HECTD4: variants seen among roughly 807,000 people sequenced by gnomAD.
HECTD4 encodes the protein HECT domain E3 ubiquitin protein ligase 4, also known as probable E3 ubiquitin-protein ligase HECTD4.
Under a neutral mutation model 471.5 loss-of-function variants are expected in HECTD4, and 114 were observed. The ratio of observed to expected loss-of-function variants is 0.24; its 90% CI spans 0.21 to 0.28. HECTD4 has a LOEUF of 0.28. Among genes scored for constraint, HECTD4 ranks in the 10% least tolerant of loss-of-function variants. The probability of loss-of-function intolerance (pLI) is 1.00; values close to 1 mark genes in which losing one functional copy is unlikely to be tolerated. For missense variants in HECTD4, 3,866 were observed against 5,651.5 expected (o/e 0.68, Z 10.13); for synonymous variants, 2,012 against 2,256.0 (o/e 0.89, Z 3.07).
chr12:112,310,822 T>C, intron 4 of HECTD4, among the ~76,000 whole-genome samples: 1 of 152,248 alleles, frequency 6.6e-6, no homozygotes, highest in East Asian at 1.9e-4. Context: ...CTTCTGGGTA[T>C]GGCTCTGTCG....
At chr12:112,346,073 C>T (rs971097309) in intron 1 of HECTD4, among the ~76,000 whole-genome samples, 1 of 152,208 alleles carries the variant, frequency 6.6e-6, no homozygotes, top group South Asian at 2.1e-4. Flanking sequence ...TGGAAAACCA[C>T]AGCATGAGGT....
At chr12:112,297,147 A>T (rs1323673102) in intron 7 of HECTD4, among the ~76,000 whole-genome samples, 1 of 140,320 alleles carries the variant, frequency 7.1e-6, no homozygotes, top group Non-Finnish European at 1.6e-5. Flanking sequence ...GGTACAGTGG[A>T]TGTAGATGCA....
Position 112,190,844 on chromosome 12 carries a change from G to A in HECTD4, c.9414C>T (p.Ser3138=), listed in dbSNP as rs1353483550. ...SWKSEDSEGK[S]EDEPDTIPTS... is the part of the protein sequence containing the mutation. ...TCGGAATGGTGTCAGGCTCATCTTC[G>A]GACTTCCCTTCACTGTCCTCTGATT... The change falls in exon 60 of 76, where the codon TCC becomes TCT. Residue 3138 remains serine, a synonymous_variant. Coordinates refer to ENST00000682272, the MANE Select transcript of HECTD4 (RefSeq NM_001388303.1). The A allele has an allele frequency of 6.9e-6, 11 of 1,586,168 alleles. No homozygotes were observed. Among genetic ancestry groups the A allele is most frequent in the African/African-American group, 1.3e-5 (1 of 74,192 alleles).
intron 62 of HECTD4, among the ~76,000 whole-genome samples, chr12:112,181,283 CT>C (rs2031659966): frequency 6.6e-6 from 1 of 152,090 alleles, no homozygotes. Context: ...CTAATCCTAT[CT>C]TTATTTAAAA....
intron 1 of HECTD4, among the ~76,000 whole-genome samples, chr12:112,335,934 A>C (rs2035949650): frequency 6.6e-6 from 1 of 152,216 alleles, no homozygotes; most frequent in African/African-American, 2.4e-5. Context: ...TAGCAGCTGC[A>C]AACATCACAA....
At chr12:112,304,636 G>A (rs2035236447) in intron 7 of HECTD4, among the ~76,000 whole-genome samples, 1 of 149,124 alleles carries the variant, frequency 6.7e-6, no homozygotes, top group South Asian at 2.1e-4. Context: ...AGACCTAAAT[G>A]AAAATTCCTT....
In HECTD4 at chr12:112,219,082, C is replaced by T. The variant is rs562367324; in HGVS notation, c.7074+304G>A. On this transcript the variant is annotated intron_variant, in intron 45 of 75. Transcript: ENST00000682272. ...CTTATGTTCTCTGTTATGAAACTGA[C>T]TGTATCTCTAAACTTAAAAAAAAAA... is the stretch of plus-strand genomic sequence containing the variant. Among the ~76,000 whole-genome samples the T allele has an allele frequency of 2.0e-5, 3 of 151,912 alleles. No homozygotes were observed. In the South Asian group the frequency reaches 6.2e-4, roughly 32 times the overall value.
chr12:112,227,288 C>T (rs376208913), intron 43 of HECTD4, among the ~76,000 whole-genome samples: 7 of 152,164 alleles, frequency 4.6e-5, no homozygotes, highest in African/African-American at 1.7e-4. Flanking sequence ...GGCGAGACCC[C>T]ATCTCTACTA....
chr12:112,168,514 G>A (rs1022815770), intron 70 of HECTD4, among the ~76,000 whole-genome samples: 2 of 152,158 alleles, frequency 1.3e-5, no homozygotes, highest in African/African-American at 2.4e-5. Context: ...GTTCCCTATC[G>A]GTACCCTGAG....
In HECTD4 at chr12:112,279,258, C is replaced by G; in HGVS notation, c.1657G>C (p.Gly553Arg). Reference protein sequence around the residue: ...SGSSATRSLFGGTSGLSSLKI... With the variant: ...SGSSATRSLFRGTSGLSSLKI... ...AAAGATGACAAACCACTTGTTCCAC[C>G]AAAAAGAGATCGGGTGGCAGAGCTG... Residue 553 changes from glycine (G) to arginine (R), a missense_variant, in exon 9 of 76, where the codon GGT becomes CGT. Around this residue, in one of 16 missense-constraint regions of HECTD4, gnomAD observed 525 missense variants for 672.6 expected, o/e 0.78. Coordinates refer to ENST00000682272, the MANE Select transcript of HECTD4 (RefSeq NM_001388303.1). 6.2e-7 allele frequency: 1 copy of G among 1,610,574 alleles called. No homozygotes were observed. The highest frequency in any genetic ancestry group is 8.5e-7 in the Non-Finnish European group (1 of 1,179,194).
At position 112,326,808 on chromosome 12, in the gene HECTD4, A is replaced by G. The variant is rs1232680531; in HGVS notation, c.178-7066T>C. ...TACTTTGCTGTTCAGAATAGCAGAG[A>G]GATAATTATTGAAAAGGGTCAAGTA... On this transcript the variant is annotated intron_variant, in intron 1 of 75. Coordinates refer to ENST00000682272, the MANE Select transcript of HECTD4 (RefSeq NM_001388303.1). Among the ~76,000 whole-genome samples, 5 of 152,296 alleles carry G rather than the reference A, an allele frequency of 3.3e-5. No homozygotes were observed. In the South Asian group the frequency reaches 6.2e-4, roughly 19 times the overall value.
At chr12:112,296,177 G>A (rs943898254) in intron 7 of HECTD4, among the ~76,000 whole-genome samples, 10 of 151,544 alleles carry the variant, frequency 6.6e-5, no homozygotes, top group African/African-American at 2.4e-4. Context: ...GGGTGTAGGT[G>A]CAGTGGATGT....
chr12:112,275,333 G>T (rs2034503221), intron 9 of HECTD4, among the ~76,000 whole-genome samples: 1 of 152,128 alleles, frequency 6.6e-6, no homozygotes, highest in South Asian at 2.1e-4. Flanking sequence ...GTTCAATAAA[G>T]CTTGGTGTAT....
intron 1 of HECTD4, among the ~76,000 whole-genome samples, chr12:112,352,826 C>G (rs970911071): frequency 6.6e-6 from 1 of 152,058 alleles, no homozygotes; most frequent in Non-Finnish European, 1.5e-5. Flanking sequence ...GGGCTGGTCT[C>G]GAACTCCAGG....
At chr12:112,242,325 T>C (rs559944319) in intron 32 of HECTD4, among the ~76,000 whole-genome samples, 2 of 152,250 alleles carry the variant, frequency 1.3e-5, no homozygotes, top group Non-Finnish European at 2.9e-5. Flanking sequence ...TTAAAAATCT[T>C]AAAGCAGCCA....
chr12:112,169,885 C>T, intron 69 of HECTD4: 3 of 606,178 alleles, frequency 4.9e-6, no homozygotes, highest in Non-Finnish European at 2.9e-6. Flanking sequence ...CAGTGCTTGG[C>T]CCCTTCTCAT....
intron 52 of HECTD4, 44 bp downstream of exon 52, chr12:112,207,830 C>G (rs770599219): frequency 2.5e-6 from 4 of 1,596,738 alleles, no homozygotes; most frequent in East Asian, 4.5e-5. Context: ...CTCCTCACTT[C>G]AAGTCATGAA....
rs936213862 is a variant in HECTD4, at chr12:112,379,818, GT to G, written c.177+2133del. ...TATTTCTCCTGATACCATGGAGCCT[GT>G]ATAACATGGAAAGAATGAAACAAGT... On this transcript the variant is annotated intron_variant, in intron 1 of 75. Coordinates refer to ENST00000682272, the MANE Select transcript of HECTD4 (RefSeq NM_001388303.1). 1.9e-3 allele frequency among the ~76,000 whole-genome samples: 293 copies of G among 151,634 alleles called. 1 individual carries two copies. The highest frequency in any genetic ancestry group is 6.8e-3 in the African/African-American group (280 of 41,372).
At chr12:112,227,973 T>G (rs892380553) in intron 43 of HECTD4, 116 bp downstream of exon 43, 4 of 882,420 alleles carry the variant, frequency 4.5e-6, no homozygotes, top group East Asian at 2.7e-5. Flanking sequence ...CTCAGTTTAG[T>G]GTGAGCTTCA....
Sources: gnomAD v4.1 joint callset for allele counts (sites outside exome capture counted in the v4.1 genomes callset) on GRCh38, gnomAD v4.1.1 for gene constraint, gnomAD v4.1.1 regional missense constraint, MANE v1.5 for transcripts, NCBI Gene and HGNC (gene_info 2026-07-23, HGNC 2026-07-21) for gene names.